Variants in ITGB4 observed in about 807,000 individuals in gnomAD.
The protein encoded by ITGB4 is integrin subunit beta 4, also known as integrin beta-4.
In ITGB4, 159 loss-of-function variants were observed where a neutral mutation model predicts 207.6. The ratio of observed to expected loss-of-function variants is 0.77; its 90% CI spans 0.67 to 0.87. The LOEUF is 0.87. Among genes scored for constraint, ITGB4 ranks in the 40% least tolerant of loss-of-function variants. The pLI, the probability that ITGB4 is intolerant of heterozygous loss-of-function variation, is 0.00. For missense variants in ITGB4, 2,278 were observed against 2,546.8 expected, an observed-to-expected ratio of 0.89 and a Z score of 2.27; for synonymous variants, 1,020 against 1,062.7, an observed-to-expected ratio of 0.96 and a Z score of 0.78.
At position 75,740,762 on chromosome 17, in the gene ITGB4, C is replaced by G; in HGVS notation, c.2551-31C>G. The G allele has an allele frequency of 6.2e-7, 1 of 1,611,188 alleles. No individual in the cohort carries two copies. Among genetic ancestry groups the G allele is most frequent in the Non-Finnish European group, 8.5e-7 (1 of 1,179,026 alleles). On this transcript the variant is annotated intron_variant, in intron 21 of 39. Coordinates refer to ENST00000200181, the MANE Select transcript of ITGB4 (RefSeq NM_000213.5). This position sits in a 1 kb window ranked among gnomAD's most constrained non-coding sequence, Gnocchi z 5.9. ...AGGGCTTGCCACGGGGTGGCCTAGG[C>G]CCAGCCTCACGCCCCTCCCTTGCCT...
At position 75,727,170 on chromosome 17, in the gene ITGB4, C is replaced by T. The variant is rs1370072172; in HGVS notation, c.80-25C>T. 6.2e-7 allele frequency: 1 copy of T among 1,609,748 alleles called. No homozygotes were observed. On this transcript the variant is annotated intron_variant, in intron 2 of 39. Coordinates refer to ENST00000200181, the MANE Select transcript of ITGB4 (RefSeq NM_000213.5). The surrounding 1 kb of genome is among the most constrained non-coding windows in gnomAD (Gnocchi z 6.0). The stretch of plus-strand genomic sequence containing the variant: ...TGCCTTTGCTGAGCGCCTCCCCATT[C>T]ATGTGCCCACATCTGTCCCCCCAGC...
chr17:75,735,930 C>G, intron 13 of ITGB4, 121 bp from the exon 14 acceptor site: 1 of 885,482 alleles, frequency 1.1e-6, no homozygotes. Flanking sequence ...GACTTCTACC[C>G]CAGGCTAGCG....
Position 75,752,434 on chromosome 17 carries a change from C to T in ITGB4, c.3977-12C>T, listed in dbSNP as rs781590331. On this transcript the variant is annotated splice_polypyrimidine_tract_variant and intron_variant, in intron 31 of 39. Transcript: ENST00000200181. ...AGCAGCCAGGGCCCTGGCTCACTCC[C>T]CTGCCCTGCAGTCCCCATCATCCCT... The T allele has an allele frequency of 2.5e-6, 4 of 1,613,024 alleles. No homozygotes were observed. The highest frequency in any genetic ancestry group is 3.4e-6 in the Non-Finnish European group (4 of 1,179,912).
In ITGB4 at chr17:75,727,451, G is replaced by A. The variant is rs200500313; in HGVS notation, c.210G>A (p.Ala70=). Residue 70 remains alanine, a synonymous_variant, in exon 4 of 40, where the codon GCG becomes GCA. Transcript: ENST00000200181. This position sits in a 1 kb window ranked among gnomAD's most constrained non-coding sequence, Gnocchi z 6.0. The part of the protein sequence containing the change: ...RCNTQAELLA[A]GCQRESIVVM... ...ACACCCAGGCGGAGCTGCTGGCCGC[G>A]GGCTGCCAGCGGGAGAGCATCGTGG... 175 of 1,613,958 alleles carry A rather than the reference G, an allele frequency of 1.1e-4. 1 individual carries two copies. In the East Asian group the frequency reaches 2.4e-3, roughly 22 times the overall value.
At position 75,753,887 on chromosome 17, in the gene ITGB4, G is replaced by A. The variant is rs780999071; in HGVS notation, c.4231G>A (p.Glu1411Lys). 9 of 1,317,048 alleles carry A rather than the reference G, an allele frequency of 6.8e-6. No individual in the cohort carries two copies. Among genetic ancestry groups the A allele is most frequent in the South Asian group, 4.6e-5 (2 of 43,762 alleles). 81.6% of individuals were successfully genotyped at this position (1,317,048 alleles called of 1,614,324 possible). A position where few individuals can be genotyped will look rare whatever the true frequency, so the allele number is the denominator to read the frequency against. The change falls in exon 33 of 40, where the codon GAG becomes AAG. Residue 1411 changes from glutamate (E) to lysine (K), a missense_variant. Transcript: ENST00000200181. Reference protein sequence around the residue: ...SASSGRSSDAEAPHGPPDDGG... With the variant: ...SASSGRSSDAKAPHGPPDDGG... ...CAGCAGCGGGCGCTCCTCCGACGCC[G>A]AGGCGCCCCACGGGCCCCCGGACGA... is the stretch of plus-strand genomic sequence containing the variant.
Position 75,750,773 on chromosome 17 carries a change from T to A in ITGB4, c.3568T>A (p.Cys1190Ser). Residue 1190 changes from cysteine (C) to serine (S), a missense_variant, in exon 29 of 40, where the codon TGC becomes AGC. By Grantham distance (112) the Cys-to-Ser change is moderately radical (BLOSUM62 -1). Coordinates refer to ENST00000200181, the MANE Select transcript of ITGB4 (RefSeq NM_000213.5). The surrounding 1 kb of genome is among the most constrained non-coding windows in gnomAD (Gnocchi z 5.5). ...GGAGCTCACCAACCTGTACCCGTAT[T>A]GCGACTATGAGATGAAGGTGTGCGC... ...SVELTNLYPY[C>S]DYEMKVCAYG... is the part of the protein sequence containing the mutation. 2 of 1,613,566 alleles carry A rather than the reference T, an allele frequency of 1.2e-6. No individual in the cohort carries two copies. Among genetic ancestry groups the A allele is most frequent in the South Asian group, 2.2e-5 (2 of 91,086 alleles).
At position 75,742,842 on chromosome 17, in the gene ITGB4, C is replaced by G. The variant is rs1051486558; in HGVS notation, c.2962+81C>G. On this transcript the variant is annotated intron_variant, in intron 25 of 39. Coordinates refer to ENST00000200181, the MANE Select transcript of ITGB4 (RefSeq NM_000213.5). This position sits in a 1 kb window ranked among gnomAD's most constrained non-coding sequence, Gnocchi z 5.9. ...CCTCCTGCTTAAGTGGAATTGCGAC[C>G]TGGCCACGTGGCCTGGGCTAGTCAC... is the stretch of plus-strand genomic sequence containing the variant. The G allele has an allele frequency of 1.3e-5, 18 of 1,356,812 alleles. No homozygotes were observed. In the African/African-American group the frequency reaches 2.3e-4, roughly 17 times the overall value. The allele number at this position is 1,356,812 out of a possible 1,614,324, so 84.0% of individuals were successfully genotyped here. A position where few individuals can be genotyped will look rare whatever the true frequency, so the allele number is the denominator to read the frequency against.
In ITGB4 at chr17:75,740,550, G is replaced by T; in HGVS notation, c.2550+89G>T. ...GCAGAGCGAATGCGGTCGTGGTACC[G>T]AGATTCATTAACTAGGGGAGAGGGG... On this transcript the variant is annotated intron_variant, in intron 21 of 39. Coordinates refer to ENST00000200181, the MANE Select transcript of ITGB4 (RefSeq NM_000213.5). This position sits in a 1 kb window ranked among gnomAD's most constrained non-coding sequence, Gnocchi z 5.9. 8.7e-7 allele frequency: 1 copy of T among 1,154,436 alleles called. No homozygotes were observed. Among genetic ancestry groups the T allele is most frequent in the South Asian group, 1.3e-5 (1 of 79,422 alleles). The allele number at this position is 1,154,436 out of a possible 1,614,324, so 71.5% of individuals were successfully genotyped here. A position where few individuals can be genotyped will look rare whatever the true frequency, so the allele number is the denominator to read the frequency against.
In ITGB4 at chr17:75,731,858, C is replaced by G. The variant is rs148535298; in HGVS notation, c.1262C>G (p.Thr421Arg). Residue 421 changes from threonine (T) to arginine (R), a missense_variant, in exon 11 of 40, where the codon ACG becomes AGG. Thr to Arg is a moderately conservative substitution (Grantham distance 71). Coordinates refer to ENST00000200181, the MANE Select transcript of ITGB4 (RefSeq NM_000213.5). The surrounding 1 kb of genome is among the most constrained non-coding windows in gnomAD (Gnocchi z 6.8). The part of the protein sequence containing the change: ...QLRALEHVDG[T>R]HVCQLPEDQK... ...CGGGCCCTTGAGCACGTGGATGGGACGCACGTGTGCCAGCTGCCGGAGGAC... is the reference window on the plus strand; with the variant it reads ...CGGGCCCTTGAGCACGTGGATGGGAGGCACGTGTGCCAGCTGCCGGAGGAC... 9 of 1,612,780 alleles carry G rather than the reference C, an allele frequency of 5.6e-6. No homozygotes were observed. The South Asian group carries it at 9.9e-5, about 18-fold the overall frequency.
rs565487836 is a variant in ITGB4 at position 75,734,837 on chromosome 17, G to A, written c.1657+1145G>A. 9.8e-5 allele frequency among the ~76,000 whole-genome samples: 15 copies of A among 152,324 alleles called. No individual in the cohort carries two copies. In the South Asian group the frequency reaches 3.1e-3, roughly 32 times the overall value. ...AGGTATGAGAGAGGAAGGGAGGAAGGTGCCTCTGGGGAAGGAGGCAGGGCC... is the reference window on the plus strand; with the variant it reads ...AGGTATGAGAGAGGAAGGGAGGAAGATGCCTCTGGGGAAGGAGGCAGGGCC... On this transcript the variant is annotated intron_variant, in intron 13 of 39. Coordinates refer to ENST00000200181, the MANE Select transcript of ITGB4 (RefSeq NM_000213.5).
rs1599299999 is a variant in ITGB4 at position 75,750,593 on chromosome 17, G to A, written c.3475-87G>A. The A allele has an allele frequency of 8.2e-7, 1 of 1,215,028 alleles. No homozygotes were observed. Among genetic ancestry groups the A allele is most frequent in the East Asian group, 2.5e-5 (1 of 40,456 alleles). 75.3% of individuals were successfully genotyped at this position (1,215,028 alleles called of 1,614,324 possible). ...CCTCGGGCCTCATCTGTGCAAAGAG[G>A]ACAGTAAGGGCAGAGGTCAGAGGAG... On this transcript the variant is annotated intron_variant, in intron 28 of 39. Coordinates refer to ENST00000200181, the MANE Select transcript of ITGB4 (RefSeq NM_000213.5). The surrounding 1 kb of genome is among the most constrained non-coding windows in gnomAD (Gnocchi z 5.5).
Position 75,732,028 on chromosome 17 carries a change from C to A in ITGB4, c.1377+55C>A. On this transcript the variant is annotated intron_variant, in intron 11 of 39. Transcript: ENST00000200181. The surrounding 1 kb of genome is among the most constrained non-coding windows in gnomAD (Gnocchi z 5.3). ...GAGAGCTGAGCCAAGCACCCAGGGA[C>A]CCTGAGGAATGAAGCAGGACTCCTG... 6.2e-7 allele frequency: 1 copy of A among 1,612,746 alleles called. No individual in the cohort carries two copies.
chr17:75,756,705 C>G lies in ITGB4; in HGVS notation c.4899C>G (p.Gly1633=). The G allele has an allele frequency of 6.2e-7, 1 of 1,613,478 alleles. No individual in the cohort carries two copies. Among genetic ancestry groups the G allele is most frequent in the Non-Finnish European group, 8.5e-7 (1 of 1,180,012 alleles). Residue 1633 remains glycine, a splice_region_variant and synonymous_variant, in exon 37 of 40, where the codon GGC becomes GGG. Coordinates refer to ENST00000200181, the MANE Select transcript of ITGB4 (RefSeq NM_000213.5). ...ATGCTCTTCCTCTACTGCCCCCAGG[C>G]TCCGCCTTCACTTTGAGCACTCCCA... ...HPQSPLCPLP[G]SAFTLSTPSA...
chr17:75,756,895 A>C, intron 37 of ITGB4, 36 bp downstream of exon 37: 1 of 1,611,696 alleles, frequency 6.2e-7, no homozygotes, highest in African/African-American at 1.3e-5. Flanking sequence ...TGGCCAGGGG[A>C]GGGGTAAAGA....
chr17:75,737,941 C>T (rs1340491301), intron 18 of ITGB4, among the ~76,000 whole-genome samples: 3 of 152,036 alleles, frequency 2.0e-5, no homozygotes, highest in Admixed American at 6.5e-5. Context: ...TCCCCAACCC[C>T]CACCAGGGTC....
intron 26 of ITGB4, among the ~76,000 whole-genome samples, chr17:75,747,353 C>A (rs1303055146): frequency 6.6e-6 from 1 of 152,050 alleles, no homozygotes; most frequent in Admixed American, 6.6e-5. Flanking sequence ...GTGGCACACG[C>A]CTGTAATCTC....
chr17:75,732,163 C>A lies in ITGB4; in HGVS notation c.1378C>A (p.Gln460Lys). The change falls in exon 12 of 40, where the codon CAA (glutamine) becomes AAA (lysine). Residue 460 changes from glutamine to lysine, a missense_variant and splice_region_variant. Physicochemically the swap from Gln to Lys is moderately conservative, Grantham distance 53. Transcript: ENST00000200181. This position sits in a 1 kb window ranked among gnomAD's most constrained non-coding sequence, Gnocchi z 5.3. Reference protein sequence around the residue: ...IICDVCTCELQKEVRSARCSF... With the variant: ...IICDVCTCELKKEVRSARCSF... Reference sequence around the variant, plus strand: ...CCCACCATGGTCTCTCTCATTCCAGCAAAAAGAGGTGCGGTCAGCTCGCTG... The same window carrying A: ...CCCACCATGGTCTCTCTCATTCCAGAAAAAAGAGGTGCGGTCAGCTCGCTG... The A allele has an allele frequency of 1.2e-6, 2 of 1,614,068 alleles. No individual in the cohort carries two copies. The highest frequency in any genetic ancestry group is 1.7e-6 in the Non-Finnish European group (2 of 1,180,016).
chr17:75,742,859 G>C lies in ITGB4; in HGVS notation c.2962+98G>C. ...ATTGCGACCTGGCCACGTGGCCTGG[G>C]CTAGTCACTTAACCTCTGCAAGCCT... On this transcript the variant is annotated intron_variant, in intron 25 of 39. Transcript: ENST00000200181. This position sits in a 1 kb window ranked among gnomAD's most constrained non-coding sequence, Gnocchi z 5.9. 2.6e-6 allele frequency: 3 copies of C among 1,150,668 alleles called. No homozygotes were observed. The highest frequency in any genetic ancestry group is 3.7e-6 in the Non-Finnish European group (3 of 810,338). 71.3% of individuals were successfully genotyped at this position (1,150,668 alleles called of 1,614,324 possible).
chr17:75,755,372 C>T (rs2603502), intron 34 of ITGB4, among the ~76,000 whole-genome samples: 1 of 152,216 alleles, frequency 6.6e-6, no homozygotes, highest in African/African-American at 2.4e-5. Flanking sequence ...ACCATCAGTG[C>T]TGATGCCTAA....
Sources: gnomAD v4.1 joint callset for allele counts (sites outside exome capture counted in the v4.1 genomes callset) on GRCh38, gnomAD v4.1.1 for gene constraint, Gnocchi (gnomAD v3.1) non-coding constraint, MANE v1.5 for transcripts, NCBI Gene and HGNC (gene_info 2026-07-23, HGNC 2026-07-21) for gene names.